FRMD4A: variants seen among roughly 807,000 people sequenced by gnomAD.
FRMD4A encodes the protein FERM domain-containing protein 4A.
In FRMD4A, 29 loss-of-function variants were observed where a neutral mutation model predicts 129.1. That is an observed-to-expected ratio of 0.22 (90% CI 0.17 to 0.31). FRMD4A has a LOEUF of 0.31. Among genes scored for constraint, FRMD4A ranks in the 10% least tolerant of loss-of-function variants. The probability of loss-of-function intolerance (pLI) is 1.00; values close to 1 mark genes in which losing one functional copy is unlikely to be tolerated. For missense variants in FRMD4A, 1,272 were observed against 1,375.8 expected, an observed-to-expected ratio of 0.92 and a Z score of 1.19; for synonymous variants, 634 against 571.6, an observed-to-expected ratio of 1.11 and a Z score of -1.56.
chr10:13,679,206 G>A (rs1185784474), intron 15 of FRMD4A, among the ~76,000 whole-genome samples: 2 of 150,826 alleles, frequency 1.3e-5, no homozygotes, highest in African/African-American at 4.9e-5. Context: ...GGTGGGTCAC[G>A]AGGTCAGGAG....
At chr10:13,948,054 G>GAAAA (rs80191339) in intron 2 of FRMD4A, among the ~76,000 whole-genome samples, 1 of 136,468 alleles carries the variant, frequency 7.3e-6, no homozygotes, top group Non-Finnish European at 1.6e-5. Context: ...AAAGTAAATT[G>GAAAA]AAAAAAAAAA....
intron 12 of FRMD4A, among the ~76,000 whole-genome samples, chr10:13,710,120 G>A (rs1250118251): frequency 6.6e-6 from 1 of 152,134 alleles, no homozygotes; most frequent in African/African-American, 2.4e-5. Context: ...GCTCTGTGGG[G>A]TAAGGTGCCT....
chr10:14,176,990 A>G (rs1841752501), intron 2 of FRMD4A, among the ~76,000 whole-genome samples: 1 of 152,164 alleles, frequency 6.6e-6, no homozygotes. Flanking sequence ...TGCTACATTT[A>G]GCTTCCATCC....
rs11258613 is a variant in FRMD4A, at chr10:13,788,715, C to A, written c.300-5709G>T. On this transcript the variant is annotated intron_variant, in intron 5 of 24. Coordinates refer to ENST00000357447, the MANE Select transcript of FRMD4A (RefSeq NM_018027.5). ...CCCACCCAAACTAGCTCAGATGATCCCGACCCGAGAATATTTTATCAGAGA... is the reference window on the plus strand; with the variant it reads ...CCCACCCAAACTAGCTCAGATGATCACGACCCGAGAATATTTTATCAGAGA... Among the ~76,000 whole-genome samples, 995 of 152,288 alleles carry A rather than the reference C, an allele frequency of 6.5e-3. 12 individuals carry two copies. The highest frequency in any genetic ancestry group is 0.022 in the African/African-American group (932 of 41,542).
chr10:13,694,853 A>C (rs1447970621), intron 14 of FRMD4A, among the ~76,000 whole-genome samples: 1 of 152,086 alleles, frequency 6.6e-6, no homozygotes, highest in East Asian at 1.9e-4. Context: ...TAAAAAAAAA[A>C]AAGAGAGAAA....
At chr10:13,836,424 AGTTTTCCTGGG>A (rs2130957340) in intron 3 of FRMD4A, among the ~76,000 whole-genome samples, 1 of 152,296 alleles carries the variant, frequency 6.6e-6, no homozygotes, top group East Asian at 1.9e-4. Context: ...TGATCTTGGT[AGTTTTCCTGGG>A]AAGGAAAAAG....
At chr10:14,185,443 TG>T (rs1482700350) in intron 2 of FRMD4A, among the ~76,000 whole-genome samples, 1 of 152,238 alleles carries the variant, frequency 6.6e-6, no homozygotes, top group Non-Finnish European at 1.5e-5. Context: ...CAGATGAGGA[TG>T]TCGTGGCAGA....
intron 2 of FRMD4A, among the ~76,000 whole-genome samples, chr10:13,933,519 C>A (rs1338258584): frequency 6.6e-6 from 1 of 152,180 alleles, no homozygotes; most frequent in Non-Finnish European, 1.5e-5. Flanking sequence ...CCTGGCCACC[C>A]TCCACCAGTA....
chr10:13,931,072 C>T (rs1029810164), intron 2 of FRMD4A, among the ~76,000 whole-genome samples: 4 of 152,114 alleles, frequency 2.6e-5, no homozygotes, highest in Non-Finnish European at 5.9e-5. Flanking sequence ...TAGCCTCAAG[C>T]GATCCTCTCA....
At chr10:13,925,058 C>A (rs562888882) in intron 2 of FRMD4A, among the ~76,000 whole-genome samples, 6 of 48,072 alleles carry the variant, frequency 1.2e-4, no homozygotes, top group African/African-American at 3.7e-4. Flanking sequence ...TGCGAGACTC[C>A]GTGTAAAAAA....
intron 12 of FRMD4A, chr10:13,707,742 C>T: frequency 1.0e-6 from 1 of 975,962 alleles, no homozygotes; most frequent in Non-Finnish European, 1.2e-6. Flanking sequence ...CAAGCCCATT[C>T]TTCTTGCTGC....
intron 2 of FRMD4A, chr10:14,326,708 C>A (rs1843290255): frequency 2.5e-6 from 1 of 396,984 alleles, no homozygotes; most frequent in Admixed American, 4.4e-5. Flanking sequence ...ATAAACTAAT[C>A]CTCGGCTCTA....
chr10:14,292,624 C>T, intron 2 of FRMD4A, among the ~76,000 whole-genome samples: 1 of 152,016 alleles, frequency 6.6e-6, no homozygotes, highest in East Asian at 1.9e-4. Flanking sequence ...ATGGTGAAAC[C>T]CTGTCTCTAC....
chr10:13,799,087 C>T (rs1278791029), intron 4 of FRMD4A, among the ~76,000 whole-genome samples: 5 of 152,236 alleles, frequency 3.3e-5, no homozygotes, highest in Non-Finnish European at 7.3e-5. Context: ...CCTAGGGGCT[C>T]ACCCATTTCT....
chr10:14,170,173 G>A (rs1249741223), intron 2 of FRMD4A, among the ~76,000 whole-genome samples: 2 of 152,144 alleles, frequency 1.3e-5, no homozygotes, highest in Non-Finnish European at 2.9e-5. Flanking sequence ...TATATTGTGT[G>A]TATTTCAGAA....
intron 14 of FRMD4A, among the ~76,000 whole-genome samples, chr10:13,700,053 A>G (rs773750474): frequency 7.9e-5 from 12 of 152,144 alleles, no homozygotes; most frequent in Non-Finnish European, 1.5e-4. Context: ...ACAGACCCCA[A>G]TTTAAAACTG....
intron 2 of FRMD4A, among the ~76,000 whole-genome samples, chr10:13,934,056 G>C (rs2131293294): frequency 6.6e-6 from 1 of 152,296 alleles, no homozygotes; most frequent in South Asian, 2.1e-4. Context: ...TAAAAGAAGT[G>C]ATCAGAAAAG....
intron 2 of FRMD4A, among the ~76,000 whole-genome samples, chr10:13,977,851 TTTGA>T (rs1212644465): frequency 6.6e-6 from 1 of 152,226 alleles, no homozygotes; most frequent in Non-Finnish European, 1.5e-5. Flanking sequence ...CTGAATAATA[TTTGA>T]TTATGTGGAA....
chr10:13,910,711 A>C (rs2094931439), intron 2 of FRMD4A, among the ~76,000 whole-genome samples: 1 of 152,118 alleles, frequency 6.6e-6, no homozygotes, highest in African/African-American at 2.4e-5. Context: ...TTTTTTTTCC[A>C]CAAATATGTG....
Sources: allele counts gnomAD v4.1 joint callset (sites outside exome capture counted in the v4.1 genomes callset), GRCh38; gene constraint gnomAD v4.1.1; transcripts MANE v1.5; gene names NCBI Gene and HGNC (gene_info 2026-07-23, HGNC 2026-07-21).